ITPR1: variants seen among roughly 807,000 people sequenced by gnomAD.
ITPR1 encodes the protein inositol 1,4,5-trisphosphate receptor type 1.
In ITPR1, 96 loss-of-function variants were observed where a neutral mutation model predicts 318.4. The observed-to-expected ratio is 0.30, with a 90% CI of 0.26 to 0.36. ITPR1 has a LOEUF of 0.36. Among genes scored for constraint, ITPR1 ranks in the 10% least tolerant of loss-of-function variants. The pLI, the probability that ITPR1 is intolerant of heterozygous loss-of-function variation, is 1.00. For missense variants in ITPR1, 2,440 were observed against 3,460.2 expected (o/e 0.71, Z 7.40); for synonymous variants, 1,312 against 1,289.9 (o/e 1.02, Z -0.37).
chr3:4,768,910 TCTTTTTTC>T (rs1272339151), intron 46 of ITPR1, 146 bp downstream of exon 46: 8 of 735,108 alleles, frequency 1.1e-5, no homozygotes, highest in Admixed American at 3.2e-5. Context: ...TTTTCTTTTT[TCTTTTTTC>T]TTTTTTTTTG....
chr3:4,697,476 G>A (rs1334950861), intron 34 of ITPR1, among the ~76,000 whole-genome samples: 24 of 43,680 alleles, frequency 5.5e-4, no homozygotes, highest in African/African-American at 2.1e-3. Context: ...TTTTGAGCTG[G>A]AGTCTTGCTC....
chr3:4,550,541 G>A (rs1001368129), intron 4 of ITPR1, among the ~76,000 whole-genome samples: 1 of 152,244 alleles, frequency 6.6e-6, no homozygotes, highest in Non-Finnish European at 1.5e-5. Context: ...AATTCCCTGA[G>A]AGCATAATTA....
chr3:4,578,703 T>C (rs2088959642), intron 4 of ITPR1, among the ~76,000 whole-genome samples: 1 of 152,190 alleles, frequency 6.6e-6, no homozygotes, highest in African/African-American at 2.4e-5. Context: ...TAAACGTGGT[T>C]GGCGCGCTCA....
intron 10 of ITPR1, 56 bp downstream of exon 10, chr3:4,645,784 A>T: frequency 8.5e-7 from 1 of 1,175,702 alleles, no homozygotes; most frequent in Non-Finnish European, 1.2e-6. Context: ...GCCTGTATAT[A>T]GGCTCTCTCT....
At chr3:4,556,327 T>C (rs2086122603) in intron 4 of ITPR1, among the ~76,000 whole-genome samples, 1 of 152,124 alleles carries the variant, frequency 6.6e-6, no homozygotes, top group Admixed American at 6.5e-5. Context: ...CCAGAGACCA[T>C]CATTTACGTT....
intron 4 of ITPR1, among the ~76,000 whole-genome samples, chr3:4,594,452 G>A (rs932256942): frequency 1.8e-4 from 28 of 152,070 alleles, no homozygotes; most frequent in South Asian, 4.2e-4. Context: ...ATAAAGATTC[G>A]TTTTTATCTT....
At chr3:4,721,712 TAGAA>T (rs1267853270) in intron 40 of ITPR1, among the ~76,000 whole-genome samples, 1 of 152,154 alleles carries the variant, frequency 6.6e-6, no homozygotes, top group African/African-American at 2.4e-5. Context: ...AGGTTAGTCA[TAGAA>T]AGAGACATCC....
intron 2 of ITPR1, among the ~76,000 whole-genome samples, chr3:4,508,799 G>C (rs945321583): frequency 6.6e-6 from 1 of 152,112 alleles, no homozygotes; most frequent in South Asian, 2.1e-4. Context: ...AGGCGGGGGA[G>C]TTGAGTTGAG....
intron 48 of ITPR1, among the ~76,000 whole-genome samples, chr3:4,778,916 T>C (rs564061580): frequency 5.9e-5 from 9 of 152,302 alleles, no homozygotes; most frequent in African/African-American, 1.9e-4. Context: ...GGGCCTAAAA[T>C]GAAGTCAAGC....
At chr3:4,782,154 T>A (rs976029473) in intron 49 of ITPR1, among the ~76,000 whole-genome samples, 1 of 152,156 alleles carries the variant, frequency 6.6e-6, no homozygotes, top group Admixed American at 6.5e-5. Flanking sequence ...ACTGGGAAAA[T>A]TTTAAAAATG....
At chr3:4,601,780 A>T (rs1055330074) in intron 4 of ITPR1, among the ~76,000 whole-genome samples, 2 of 152,252 alleles carry the variant, frequency 1.3e-5, no homozygotes, top group South Asian at 4.1e-4. Flanking sequence ...AGAAAAGTAG[A>T]CAATACTTTC....
At chr3:4,798,355 T>C (rs571588979) in intron 53 of ITPR1, among the ~76,000 whole-genome samples, 7 of 152,362 alleles carry the variant, frequency 4.6e-5, no homozygotes, top group African/African-American at 1.4e-4. Context: ...GAAACGATGT[T>C]GAGCATCACT....
At position 4,531,438 on chromosome 3, in the gene ITPR1, C is replaced by T. The variant is rs76090393; in HGVS notation, c.163+10344C>T. 2.9e-3 allele frequency among the ~76,000 whole-genome samples: 447 copies of T among 152,266 alleles called. 5 individuals carry two copies. Among genetic ancestry groups the T allele is most frequent in the African/African-American group, 1.0e-2 (414 of 41,538 alleles). On this transcript the variant is annotated intron_variant, in intron 4 of 61. Coordinates refer to ENST00000649015, the MANE Select transcript of ITPR1 (RefSeq NM_001378452.1). The stretch of plus-strand genomic sequence containing the variant: ...CTTTGTGTCTGAGTGTGGACACCTC[C>T]TCCAATCCACCGTTTACTGCGGCTA...
At chr3:4,713,999 G>A (rs1051758878) in intron 39 of ITPR1, among the ~76,000 whole-genome samples, 1 of 152,178 alleles carries the variant, frequency 6.6e-6, no homozygotes, top group African/African-American at 2.4e-5. Flanking sequence ...ATGCTACTTA[G>A]CCATTCCTAT....
At chr3:4,775,536 G>T (rs1448857519) in intron 47 of ITPR1, 94 bp downstream of exon 47, 32 of 930,752 alleles carry the variant, frequency 3.4e-5, no homozygotes, top group Non-Finnish European at 5.4e-5. Context: ...GCCTGTGCCT[G>T]TTGGCCTAGG....
intron 4 of ITPR1, among the ~76,000 whole-genome samples, chr3:4,547,954 A>G (rs1443043170): frequency 6.6e-6 from 1 of 152,226 alleles, no homozygotes; most frequent in Non-Finnish European, 1.5e-5. Context: ...GCATAGCTAC[A>G]GGATTGGCTC....
chr3:4,609,211 A>C (rs867932692), intron 4 of ITPR1, among the ~76,000 whole-genome samples: 1 of 149,686 alleles, frequency 6.7e-6, no homozygotes, highest in Non-Finnish European at 1.5e-5. Context: ...ATAAGCCTCT[A>C]TTTGGGGTGG....
At chr3:4,561,515 A>G (rs537631437) in intron 4 of ITPR1, among the ~76,000 whole-genome samples, 35 of 152,250 alleles carry the variant, frequency 2.3e-4, no homozygotes, top group Admixed American at 5.2e-4. Context: ...TAAGAACGAA[A>G]CTCACTACAT....
At chr3:4,802,333 T>C (rs930963577) in intron 54 of ITPR1, among the ~76,000 whole-genome samples, 1 of 152,218 alleles carries the variant, frequency 6.6e-6, no homozygotes, top group African/African-American at 2.4e-5. Flanking sequence ...TGTGGTGTTT[T>C]TGAGCCAAGA....
Sources: allele counts gnomAD v4.1 joint callset (sites outside exome capture counted in the v4.1 genomes callset), GRCh38; gene constraint gnomAD v4.1.1; transcripts MANE v1.5; gene names NCBI Gene and HGNC (gene_info 2026-07-23, HGNC 2026-07-21).